Variants in STRN observed in about 807,000 individuals in gnomAD.
The protein encoded by STRN is striatin, also known as protein phosphatase 2 regulatory subunit B'''alpha.
A neutral mutation model predicts 96.3 loss-of-function variants in STRN; 53 were observed. That is an observed-to-expected ratio of 0.55 (90% CI 0.44 to 0.69). STRN has a LOEUF of 0.69. Ranked by LOEUF, STRN falls within the 30% of genes least tolerant of loss-of-function variation. STRN has a pLI of 0.00. For missense variants in STRN, 987 were observed against 963.9 expected, an observed-to-expected ratio of 1.02 and a Z score of -0.32; for synonymous variants, 428 against 355.9, an observed-to-expected ratio of 1.20 and a Z score of -2.28.
At position 36,845,884 on chromosome 2, in the gene STRN, AACAC is replaced by A. The variant is rs10539790; in HGVS notation, c.*3568_*3571del. Reference sequence around the variant, plus strand: ...AAATCAGGACCTTCACAGATTGGTAAACACACACACACACACACACACGCATGCA... The same window carrying A: ...AAATCAGGACCTTCACAGATTGGTAAACACACACACACACACACGCATGCA... On this transcript the variant is annotated 3_prime_UTR_variant, in exon 18 of 18. Transcript: ENST00000263918. 183 of 120,782 alleles carry A rather than the reference AACAC, an allele frequency of 1.5e-3. No individual in the cohort carries two copies. Among genetic ancestry groups the A allele is most frequent in the African/African-American group, 3.8e-3 (124 of 32,988 alleles). 7.5% of individuals were successfully genotyped at this position (120,782 alleles called of 1,614,324 possible). A position where few individuals can be genotyped will look rare whatever the true frequency, so the allele number is the denominator to read the frequency against.
intron 7 of STRN, among the ~76,000 whole-genome samples, chr2:36,887,141 C>T (rs1041193441): frequency 4.0e-5 from 6 of 151,314 alleles, no homozygotes; most frequent in Non-Finnish European, 7.4e-5. Flanking sequence ...CAATCAAGAA[C>T]TTCTCGGCCA....
chr2:36,865,240 T>C (rs1051322988), intron 12 of STRN, among the ~76,000 whole-genome samples: 1 of 152,262 alleles, frequency 6.6e-6, no homozygotes, highest in Non-Finnish European at 1.5e-5. Flanking sequence ...CCATTTCTTC[T>C]ACGTTTTCTA....
intron 1 of STRN, 117 bp from the exon 2 acceptor site, chr2:36,925,325 A>G (rs1670381322): frequency 1.5e-5 from 10 of 668,394 alleles, no homozygotes; most frequent in Non-Finnish European, 2.6e-5. Flanking sequence ...TCCTTTACAC[A>G]TTTCTCACAA....
At chr2:36,853,040 C>G (rs1276866788) in intron 15 of STRN, among the ~76,000 whole-genome samples, 1 of 152,066 alleles carries the variant, frequency 6.6e-6, no homozygotes, top group Non-Finnish European at 1.5e-5. Context: ...GCCTGTGGTC[C>G]CAGCTACTTG....
chr2:36,906,565 T>C lies in STRN; in HGVS notation c.413-947A>G, dbSNP rs1415483305. Among the ~76,000 whole-genome samples the C allele has an allele frequency of 8.5e-5, 13 of 152,116 alleles. No individual in the cohort carries two copies. In the East Asian group the frequency reaches 9.7e-4, roughly 11 times the overall value. On this transcript the variant is annotated intron_variant, in intron 3 of 17. Coordinates refer to ENST00000263918, the MANE Select transcript of STRN (RefSeq NM_003162.4). ...GAGGAATGATGGTAGAAGAGCCAAT[T>C]TGGTAAAGAGCAGATATATAACAAC...
intron 5 of STRN, 30 bp downstream of exon 5, chr2:36,902,554 G>T (rs1188452544): frequency 2.6e-6 from 4 of 1,562,342 alleles, no homozygotes; most frequent in Non-Finnish European, 3.5e-6. Flanking sequence ...ACTAATAATA[G>T]CTAAAACACT....
intron 7 of STRN, among the ~76,000 whole-genome samples, chr2:36,893,622 C>T (rs1669459693): frequency 6.6e-6 from 1 of 152,128 alleles, no homozygotes; most frequent in South Asian, 2.1e-4. Flanking sequence ...TTTGCAAGTT[C>T]CACTGTCTAA....
chr2:36,886,328 A>G (rs895048764), intron 8 of STRN, among the ~76,000 whole-genome samples: 3 of 152,184 alleles, frequency 2.0e-5, no homozygotes, highest in Non-Finnish European at 2.9e-5. Context: ...ATTATAAGCA[A>G]TAATTTTGGT....
At chr2:36,883,446 G>C (rs755023108) in intron 9 of STRN, among the ~76,000 whole-genome samples, 5 of 151,970 alleles carry the variant, frequency 3.3e-5, no homozygotes, top group Non-Finnish European at 7.4e-5. Context: ...GATAGAGCGA[G>C]ACTCCATCTC....
At chr2:36,853,924 C>T (rs1263829500) in intron 15 of STRN, among the ~76,000 whole-genome samples, 2 of 151,964 alleles carry the variant, frequency 1.3e-5, no homozygotes, top group African/African-American at 4.8e-5. Context: ...TCATTTATTC[C>T]AGTAATGTTG....
chr2:36,953,654 G>A (rs1034230095), intron 1 of STRN, among the ~76,000 whole-genome samples: 8 of 151,982 alleles, frequency 5.3e-5, no homozygotes, highest in African/African-American at 9.7e-5. Flanking sequence ...CAACCACCTC[G>A]GCCTCCCAAA....
chr2:36,935,805 C>A (rs953196606), intron 1 of STRN, among the ~76,000 whole-genome samples: 4 of 152,252 alleles, frequency 2.6e-5, no homozygotes, highest in African/African-American at 2.4e-5. Flanking sequence ...TGGAAAAAAA[C>A]AGGCAAGAAC....
At chr2:36,917,149 A>T (rs1413057704) in intron 2 of STRN, among the ~76,000 whole-genome samples, 1 of 152,012 alleles carries the variant, frequency 6.6e-6, no homozygotes, top group Non-Finnish European at 1.5e-5. Context: ...AGCAAAGTGT[A>T]ACACAGCCAA....
chr2:36,917,109 G>C (rs1408929664), intron 2 of STRN, among the ~76,000 whole-genome samples: 1 of 144,160 alleles, frequency 6.9e-6, no homozygotes, highest in Non-Finnish European at 1.5e-5. Context: ...ACAACAATTT[G>C]AAAAACCAAA....
Position 36,840,172 on chromosome 2 carries a change from A to T in STRN, c.*9284T>A, listed in dbSNP as rs1558613963. The T allele has an allele frequency of 6.6e-6, 1 of 152,198 alleles. No homozygotes were observed. The highest frequency in any genetic ancestry group is 1.5e-5 in the Non-Finnish European group (1 of 68,110). The allele number at this position is 152,198 out of a possible 1,614,324, so 9.4% of individuals were successfully genotyped here. ...GGCCATCTGTAGGTTGCAAGGAAAG[A>T]GTGTGGAAGTGGACCTGTTCTGAGC... On this transcript the variant is annotated 3_prime_UTR_variant, in exon 18 of 18. Transcript: ENST00000263918.
intron 3 of STRN, among the ~76,000 whole-genome samples, chr2:36,913,312 A>G (rs1370801212): frequency 6.6e-6 from 1 of 152,172 alleles, no homozygotes; most frequent in Non-Finnish European, 1.5e-5. Context: ...CTCTATCTAC[A>G]TCTGGAAACA....
chr2:36,924,280 C>T (rs1343691495), intron 2 of STRN, among the ~76,000 whole-genome samples: 17 of 143,306 alleles, frequency 1.2e-4, no homozygotes, highest in African/African-American at 3.9e-4. Context: ...GGTGTGAACC[C>T]GGGAGGTGGA....
At chr2:36,907,023 G>A (rs552530830) in intron 3 of STRN, among the ~76,000 whole-genome samples, 10 of 152,070 alleles carry the variant, frequency 6.6e-5, no homozygotes, top group Non-Finnish European at 5.9e-5. Context: ...TTCATCACTA[G>A]GTAAAACCAG....
intron 1 of STRN, among the ~76,000 whole-genome samples, chr2:36,928,227 A>C (rs185272591): frequency 2.7e-3 from 414 of 152,364 alleles, no homozygotes; most frequent in African/African-American, 9.7e-3. Flanking sequence ...ATTAAATTCC[A>C]GCTAAAAATT....
Sources: gnomAD v4.1 joint callset for allele counts (sites outside exome capture counted in the v4.1 genomes callset) on GRCh38, gnomAD v4.1.1 for gene constraint, MANE v1.5 for transcripts, NCBI Gene and HGNC (gene_info 2026-07-23, HGNC 2026-07-21) for gene names.